Variants in ADAMTS9 observed in about 807,000 individuals in gnomAD.
ADAMTS9 encodes ADAM metallopeptidase with thrombospondin type 1 motif 9.
A neutral mutation model predicts 257.1 loss-of-function variants in ADAMTS9; 107 were observed. That is an observed-to-expected ratio of 0.42 (90% CI 0.36 to 0.49). The LOEUF (loss-of-function observed/expected upper bound fraction) is 0.49. ADAMTS9 is among the 20% of genes least tolerant of loss of function. The pLI is 0.03. For synonymous variants in ADAMTS9, 982 were observed against 880.9 expected (o/e 1.11, Z -2.03); for missense variants, 2,353 against 2,469.1 (o/e 0.95, Z 1.00).
intron 16 of ADAMTS9, among the ~76,000 whole-genome samples, chr3:64,624,294 G>C (rs951395401): frequency 2.0e-5 from 3 of 150,998 alleles, no homozygotes; most frequent in Non-Finnish European, 1.5e-5. Flanking sequence ...AAAGGAAAGA[G>C]GAAGGAAGGA....
Position 64,655,700 on chromosome 3 carries a change from A to G in ADAMTS9, c.1054-9T>C, listed in dbSNP as rs185184656. On this transcript the variant is annotated splice_polypyrimidine_tract_variant and intron_variant, in intron 5 of 39. Transcript: ENST00000498707. ...GATATGGAAGGCCCATCCTAAATAC[A>G]GAGAAGAATTATGGTTAATCTGTTG... 1.6e-5 allele frequency: 25 copies of G among 1,610,706 alleles called. No homozygotes were observed. The African/African-American group carries it at 2.9e-4, about 19-fold the overall frequency.
At chr3:64,541,649 G>C in intron 33 of ADAMTS9, 29 bp from the exon 34 acceptor site, 1 of 1,588,630 alleles carries the variant, frequency 6.3e-7, no homozygotes, top group Non-Finnish European at 8.6e-7. Flanking sequence ...AAAAAATAGG[G>C]TGTGATGATC....
Position 64,648,004 on chromosome 3 carries a change from A to T in ADAMTS9, c.1646T>A (p.Val549Glu). 1 of 1,613,458 alleles carries T rather than the reference A, an allele frequency of 6.2e-7. No homozygotes were observed. The highest frequency in any genetic ancestry group is 8.5e-7 in the Non-Finnish European group (1 of 1,179,934). Reference sequence around the variant, plus strand: ...GTGCTGAGTCCGGCAGCCTTTGTGTACTCCATTGACGTTATTGCACCAGAG... The same window carrying T: ...GTGCTGAGTCCGGCAGCCTTTGTGTTCTCCATTGACGTTATTGCACCAGAG... ...RRLWCNNVNG[V>E]HKGCRTQHTP... Residue 549 changes from valine (V) to glutamate (E), a missense_variant, in exon 11 of 40, where the codon GTA (valine) becomes GAA (glutamate). Val to Glu is a moderately radical substitution (Grantham distance 121, BLOSUM62 -2). Transcript: ENST00000498707.
chr3:64,631,578 A>T, intron 15 of ADAMTS9, 28 bp from the exon 16 acceptor site: 1 of 1,554,408 alleles, frequency 6.4e-7, no homozygotes, highest in African/African-American at 1.4e-5. Flanking sequence ...GAAATTCAGT[A>T]CTCCACAGAA....
At chr3:64,626,233 T>C (rs1700217274) in intron 16 of ADAMTS9, among the ~76,000 whole-genome samples, 1 of 152,284 alleles carries the variant, frequency 6.6e-6, no homozygotes. Context: ...GCCTAATTTA[T>C]GGATGAGAAA....
chr3:64,625,463 A>G (rs1250514719), intron 16 of ADAMTS9, among the ~76,000 whole-genome samples: 1 of 152,210 alleles, frequency 6.6e-6, no homozygotes, highest in Non-Finnish European at 1.5e-5. Context: ...GCAGAGATGA[A>G]GCTCTGAATA....
chr3:64,630,999 G>A (rs1343700915), intron 16 of ADAMTS9, among the ~76,000 whole-genome samples: 7 of 152,090 alleles, frequency 4.6e-5, no homozygotes, highest in Admixed American at 3.3e-4. Context: ...CTTTTGCAAC[G>A]AACAGGCATA....
Position 64,654,469 on chromosome 3 carries a change from GA to G in ADAMTS9, c.1211-12del, listed in dbSNP as rs748897943. On this transcript the variant is annotated splice_polypyrimidine_tract_variant and intron_variant, in intron 7 of 39. Transcript: ENST00000498707. ...CCAGTTCAGCCAGGCCTATTAGAAG[GA>G]AAAAAACCAACAAGGATTTACTCTA... The G allele has an allele frequency of 1.2e-6, 2 of 1,611,986 alleles. No homozygotes were observed. Among genetic ancestry groups the G allele is most frequent in the East Asian group, 2.2e-5 (1 of 44,834 alleles).
intron 3 of ADAMTS9, among the ~76,000 whole-genome samples, chr3:64,677,222 A>G (rs1376598943): frequency 4.6e-5 from 7 of 152,128 alleles, no homozygotes; most frequent in South Asian, 2.1e-4. Context: ...TGCAGTCACA[A>G]GGGCATGCCA....
intron 10 of ADAMTS9, 138 bp from the exon 11 acceptor site, chr3:64,648,182 T>G: frequency 1.3e-6 from 1 of 759,200 alleles, no homozygotes; most frequent in South Asian, 1.8e-5. Flanking sequence ...CTTGGTATGA[T>G]AAATGCTAAA....
At chr3:64,674,788 C>G (rs551718659) in intron 3 of ADAMTS9, among the ~76,000 whole-genome samples, 4 of 152,328 alleles carry the variant, frequency 2.6e-5, no homozygotes, top group East Asian at 3.9e-4. Context: ...CGAAAGCCCC[C>G]TCAGGGGTCT....
Position 64,681,228 on chromosome 3 carries a change from T to C in ADAMTS9, c.652A>G (p.Thr218Ala). 6.2e-7 allele frequency: 1 copy of C among 1,613,718 alleles called. No individual in the cohort carries two copies. The highest frequency in any genetic ancestry group is 1.1e-5 in the South Asian group (1 of 90,990). Residue 218 changes from threonine (T) to alanine (A), a missense_variant, in exon 3 of 40, where the codon ACA becomes GCA. By Grantham distance (58) the Thr-to-Ala change is moderately conservative. Coordinates refer to ENST00000498707, the MANE Select transcript of ADAMTS9 (RefSeq NM_182920.2). ...GAGGTGTCACATGCATGCCTTCCTGTTGAGGGCTCTCTCTGGGGGGCGCTG... is the reference window on the plus strand; with the variant it reads ...GAGGTGTCACATGCATGCCTTCCTGCTGAGGGCTCTCTCTGGGGGGCGCTG... ...RRSAPQREPS[T>A]GRHACDTSEH...
At chr3:64,650,977 G>T in intron 9 of ADAMTS9, 40 bp downstream of exon 9, 2 of 1,564,570 alleles carry the variant, frequency 1.3e-6, no homozygotes, top group South Asian at 1.2e-5. Context: ...ATGTAGGCCA[G>T]GCACTAGAAG....
chr3:64,640,937 A>G (rs568278970), intron 12 of ADAMTS9, among the ~76,000 whole-genome samples: 14 of 152,134 alleles, frequency 9.2e-5, no homozygotes, highest in African/African-American at 3.4e-4. Flanking sequence ...AGAGGTTGCC[A>G]TGGTCACACA....
rs564512095 is a variant in ADAMTS9 at position 64,661,080 on chromosome 3, T to C, written c.680-2289A>G. Among the ~76,000 whole-genome samples, 31 of 152,326 alleles carry C rather than the reference T, an allele frequency of 2.0e-4. 2 individuals are homozygous for C. The highest frequency in any genetic ancestry group is 7.2e-4 in the African/African-American group (30 of 41,576). On this transcript the variant is annotated intron_variant, in intron 3 of 39. Coordinates refer to ENST00000498707, the MANE Select transcript of ADAMTS9 (RefSeq NM_182920.2). ...TGTGGTTTTAGACATCCACTGGGGA[T>C]CTTGGAACATATACACCAAGGGTAA...
At chr3:64,528,656 T>G (rs2082940275) in intron 38 of ADAMTS9, among the ~76,000 whole-genome samples, 1 of 152,184 alleles carries the variant, frequency 6.6e-6, no homozygotes, top group South Asian at 2.1e-4. Context: ...GCTCCCTTCC[T>G]TAGTCACCTT....
intron 29 of ADAMTS9, 64 bp from the exon 30 acceptor site, chr3:64,561,815 G>A: frequency 7.1e-7 from 1 of 1,418,326 alleles, no homozygotes. Flanking sequence ...GGCGGGGGGT[G>A]TCGAGGGTCA....
intron 39 of ADAMTS9, among the ~76,000 whole-genome samples, chr3:64,518,327 T>A (rs2082805963): frequency 6.6e-6 from 1 of 152,156 alleles, no homozygotes; most frequent in South Asian, 2.1e-4. Flanking sequence ...AAATAGGCAC[T>A]CTTGTATCAG....
Position 64,658,533 on chromosome 3 carries a change from A to C in ADAMTS9, c.938T>G (p.Leu313Arg), listed in dbSNP as rs747128521. 1 of 1,613,354 alleles carries C rather than the reference A, an allele frequency of 6.2e-7. No individual in the cohort carries two copies. The highest frequency in any genetic ancestry group is 1.3e-5 in the African/African-American group (1 of 74,862). ...NRMVSYHGENLQHYILTLMSI... is the reference protein window; with the variant it reads ...NRMVSYHGENRQHYILTLMSI... ...CATTAAAGTTAAAATATAGTGTTGA[A>C]GGTTTTCTCCATGGTATGAAACCAT... Residue 313 changes from leucine (L) to arginine (R), a missense_variant, in exon 4 of 40, where the codon CTT (leucine) becomes CGT (arginine). Physicochemically the swap from Leu to Arg is moderately radical, Grantham distance 102 (BLOSUM62 -2). Coordinates refer to ENST00000498707, the MANE Select transcript of ADAMTS9 (RefSeq NM_182920.2).
Sources: allele counts gnomAD v4.1 joint callset (sites outside exome capture counted in the v4.1 genomes callset), GRCh38; gene constraint gnomAD v4.1.1; transcripts MANE v1.5; gene names NCBI Gene and HGNC (gene_info 2026-07-23, HGNC 2026-07-21).